IKBKB: variants seen among roughly 807,000 people sequenced by gnomAD.
The protein encoded by IKBKB is inhibitor of nuclear factor kappa-B kinase subunit beta.
A neutral mutation model predicts 113.6 loss-of-function variants in IKBKB; 42 were observed. That is an observed-to-expected ratio of 0.37 (90% CI 0.29 to 0.48). The LOEUF is 0.48. Ranked by LOEUF, IKBKB falls within the 20% of genes least tolerant of loss-of-function variation. IKBKB has a pLI of 0.99. For synonymous variants in IKBKB, 296 were observed against 361.3 expected (o/e 0.82, Z 2.05); for missense variants, 673 against 939.7 (o/e 0.72, Z 3.71).
intron 2 of IKBKB, among the ~76,000 whole-genome samples, chr8:42,278,840 C>T (rs1005031480): frequency 6.6e-6 from 1 of 152,024 alleles, no homozygotes. Flanking sequence ...ACTAAAAATA[C>T]AAAATTAGCC....
At chr8:42,311,936 G>A (rs1384781947) in intron 8 of IKBKB, among the ~76,000 whole-genome samples, 1 of 152,132 alleles carries the variant, frequency 6.6e-6, no homozygotes, top group African/African-American at 2.4e-5. Flanking sequence ...GCCCAGGCTG[G>A]AGTGTAGTGG....
chr8:42,325,761 T>C, intron 19 of IKBKB: 1 of 1,372,846 alleles, frequency 7.3e-7, no homozygotes, highest in South Asian at 1.7e-5. Flanking sequence ...TAGAATCCTT[T>C]CCTCAAAAGT....
intron 2 of IKBKB, among the ~76,000 whole-genome samples, chr8:42,282,867 T>G (rs1810645367): frequency 6.6e-6 from 1 of 152,214 alleles, no homozygotes; most frequent in Non-Finnish European, 1.5e-5. Context: ...TAGAGGCAGA[T>G]GAAGGCCACT....
intron 2 of IKBKB, among the ~76,000 whole-genome samples, chr8:42,274,059 C>A (rs148390153): frequency 3.1e-4 from 47 of 151,932 alleles, no homozygotes; most frequent in African/African-American, 1.1e-3. Context: ...GAGACAGAGT[C>A]TCGCACTGTT....
chr8:42,272,376 T>C (rs1220392735), intron 2 of IKBKB, 171 bp downstream of exon 2: 7 of 758,692 alleles, frequency 9.2e-6, no homozygotes, highest in Non-Finnish European at 1.6e-5. Flanking sequence ...TGACTCCAGG[T>C]TAGTGGTCTC....
chr8:42,308,023 T>C (rs1362728098), intron 7 of IKBKB, among the ~76,000 whole-genome samples: 1 of 152,156 alleles, frequency 6.6e-6, no homozygotes. Context: ...ACCCCAGCGC[T>C]CTCTGCCTCA....
rs189514123 is a variant in IKBKB, at chr8:42,325,614, G to C, written c.1987-356G>C. The C allele has an allele frequency of 6.7e-4, 640 of 956,080 alleles. 14 individuals carry two copies. The Admixed American group carries it at 0.03, about 45-fold the overall frequency. 59.2% of individuals were successfully genotyped at this position (956,080 alleles called of 1,614,324 possible). A position where few individuals can be genotyped will look rare whatever the true frequency, so the allele number is the denominator to read the frequency against. ...GAATCGCTTAAACCCCGGAGGTGGA[G>C]GTTGCAGTGAGCCAAGATCGCACAT... is the stretch of plus-strand genomic sequence containing the variant. On this transcript the variant is annotated intron_variant, in intron 19 of 21. Coordinates refer to ENST00000520810, the MANE Select transcript of IKBKB (RefSeq NM_001556.3).
Position 42,322,089 on chromosome 8 carries a change from C to T in IKBKB, c.1774C>T (p.Arg592Trp). 1.2e-6 allele frequency: 2 copies of T among 1,613,914 alleles called. No homozygotes were observed. The highest frequency in any genetic ancestry group is 8.5e-7 in the Non-Finnish European group (1 of 1,179,962). Residue 592 changes from arginine to tryptophan, a missense_variant, in exon 18 of 22, where the codon CGG (arginine) becomes TGG (tryptophan). Around this residue, in one of 2 missense-constraint regions of IKBKB, gnomAD observed 506 missense variants for 638.7 expected, o/e 0.79. Coordinates refer to ENST00000520810, the MANE Select transcript of IKBKB (RefSeq NM_001556.3). ...RTEGDSQEMV[R>W]LLLQAIQSFE... ...TGAGGGTGACAGTCAGGAAATGGTA[C>T]GGCTGCTGCTTCAGGCAATTCAGAG...
intron 4 of IKBKB, among the ~76,000 whole-genome samples, chr8:42,290,968 G>A (rs1474096588): frequency 6.6e-6 from 1 of 152,154 alleles, no homozygotes; most frequent in Non-Finnish European, 1.5e-5. Context: ...GCTAGTACAT[G>A]TTACCTCATT....
At position 42,314,368 on chromosome 8, in the gene IKBKB, G is replaced by A. The variant is rs1289987110; in HGVS notation, c.739G>A (p.Glu247Lys). 11 of 1,614,098 alleles carry A rather than the reference G, an allele frequency of 6.8e-6. No homozygotes were observed. The highest frequency in any genetic ancestry group is 1.7e-5 in the Admixed American group (1 of 60,022). Reference sequence around the variant, plus strand: ...GAGTGAGGTGGACATTGTTGTTAGCGAAGACTTGAATGGAACGGTGAAGTT... The same window carrying A: ...GAGTGAGGTGGACATTGTTGTTAGCAAAGACTTGAATGGAACGGTGAAGTT... ...QKSEVDIVVS[E>K]DLNGTVKFSS... The change falls in exon 9 of 22, where the codon GAA becomes AAA. Residue 247 changes from glutamate to lysine, a missense_variant. Physicochemically the swap from Glu to Lys is moderately conservative, Grantham distance 56 (BLOSUM62 1). Transcript: ENST00000520810.
rs573175091 is a variant in IKBKB at position 42,290,699 on chromosome 8, G to C, written c.318+426G>C. On this transcript the variant is annotated intron_variant, in intron 4 of 21. Transcript: ENST00000520810. Reference sequence around the variant, plus strand: ...CTAGAGATGGGACAGCACCACACACGGGGGCAGGGAGCATAGCAGAGAGGG... The same window carrying C: ...CTAGAGATGGGACAGCACCACACACCGGGGCAGGGAGCATAGCAGAGAGGG... Among the ~76,000 whole-genome samples, 16 of 152,250 alleles carry C rather than the reference G, an allele frequency of 1.1e-4. No homozygotes were observed. In the South Asian group the frequency reaches 2.9e-3, roughly 28 times the overall value.
chr8:42,322,196 A>T (rs1819903205), intron 18 of IKBKB, 43 bp downstream of exon 18: 2 of 1,571,636 alleles, frequency 1.3e-6, no homozygotes, highest in East Asian at 4.5e-5. Context: ...GGACTGGGAG[A>T]TGCAGGTATG....
chr8:42,322,310 C>G, intron 18 of IKBKB, 37 bp from the exon 19 acceptor site: 1 of 1,613,314 alleles, frequency 6.2e-7, no homozygotes, highest in Non-Finnish European at 8.5e-7. Flanking sequence ...TTTCTCCAGC[C>G]CAAATGCCAT....
chr8:42,318,830 G>A, intron 13 of IKBKB, 155 bp downstream of exon 13: 1 of 728,738 alleles, frequency 1.4e-6, no homozygotes, highest in Non-Finnish European at 2.2e-6. Context: ...GGTTGGGTGG[G>A]CTGGACTGAC....
At position 42,330,275 on chromosome 8, in the gene IKBKB, TGTAACTTAGCTTAAGA is replaced by T. The variant is rs1483615708; in HGVS notation, c.2206-635_2206-620del. 6 of 984,380 alleles carry T rather than the reference TGTAACTTAGCTTAAGA, an allele frequency of 6.1e-6. No homozygotes were observed. The African/African-American group carries it at 8.7e-5, about 14-fold the overall frequency. The allele number at this position is 984,380 out of a possible 1,614,324, so 61.0% of individuals were successfully genotyped here. A position where few individuals can be genotyped will look rare whatever the true frequency, so the allele number is the denominator to read the frequency against. On this transcript the variant is annotated intron_variant, in intron 21 of 21. Coordinates refer to ENST00000520810, the MANE Select transcript of IKBKB (RefSeq NM_001556.3). The stretch of plus-strand genomic sequence containing the variant: ...GAAAAGATCCTGTACAGTTTGAATA[TGTAACTTAGCTTAAGA>T]GTACCCTGCAGTCACAAGATTTATT...
Position 42,279,247 on chromosome 8 carries a change from C to T in IKBKB, c.105+7042C>T, listed in dbSNP as rs532613134. Among the ~76,000 whole-genome samples the T allele has an allele frequency of 2.0e-3, 300 of 152,290 alleles. 3 individuals are homozygous for T. In the Middle Eastern group the frequency reaches 0.024, roughly 12 times the overall value. ...TCATTGTCCAAGTTCAGAAGATGAG[C>T]GTGTATGTTCTCTGTTGGGAACCCC... On this transcript the variant is annotated intron_variant, in intron 2 of 21. Transcript: ENST00000520810.
At chr8:42,280,383 G>T (rs1266140169) in intron 2 of IKBKB, among the ~76,000 whole-genome samples, 1 of 152,148 alleles carries the variant, frequency 6.6e-6, no homozygotes, top group Non-Finnish European at 1.5e-5. Context: ...GTACCGTTTA[G>T]ATAGGCTGAT....
Position 42,316,371 on chromosome 8 carries a change from A to G in IKBKB, c.930+32A>G. On this transcript the variant is annotated intron_variant, in intron 10 of 21. Transcript: ENST00000520810. The surrounding 1 kb of genome is among the most constrained non-coding windows in gnomAD (Gnocchi z 4.5). ...GTGGAGCCAAGTTAGCCCTGAGGCA[A>G]AAGCTGGGGTCCCCAGTGGAACATG... 6.2e-7 allele frequency: 1 copy of G among 1,613,432 alleles called. No individual in the cohort carries two copies. Among genetic ancestry groups the G allele is most frequent in the Non-Finnish European group, 8.5e-7 (1 of 1,179,556 alleles).
At position 42,280,580 on chromosome 8, in the gene IKBKB, G is replaced by T. The variant is rs980012711; in HGVS notation, c.106-8054G>T. Among the ~76,000 whole-genome samples, 3 of 152,220 alleles carry T rather than the reference G, an allele frequency of 2.0e-5. No individual in the cohort carries two copies. In the South Asian group the frequency reaches 6.2e-4, roughly 32 times the overall value. ...CCCCACTTTTTGCATGGATTATGGG[G>T]ATTCTCCAATACTGATCTCCTCAGT... is the stretch of plus-strand genomic sequence containing the variant. On this transcript the variant is annotated intron_variant, in intron 2 of 21. Transcript: ENST00000520810.
Sources: gnomAD v4.1 joint callset for allele counts (sites outside exome capture counted in the v4.1 genomes callset) on GRCh38, gnomAD v4.1.1 for gene constraint, gnomAD v4.1.1 regional missense constraint, Gnocchi (gnomAD v3.1) non-coding constraint, MANE v1.5 for transcripts, NCBI Gene and HGNC (gene_info 2026-07-23, HGNC 2026-07-21) for gene names.